The following STRA8 variants were observed in gnomAD, a reference collection of about 807,000 sequenced individuals.
STRA8 encodes stimulated by retinoic acid gene 8 protein homolog.
In STRA8, 18 loss-of-function variants were observed where a neutral mutation model predicts 37.1. The observed-to-expected ratio is 0.48, with a 90% CI of 0.34 to 0.72. STRA8 has a LOEUF of 0.72. Ranked by LOEUF, STRA8 falls within the 30% of genes least tolerant of loss-of-function variation. The probability of loss-of-function intolerance (pLI) is 0.01; values close to 1 mark genes in which losing one functional copy is unlikely to be tolerated. For synonymous variants in STRA8, 168 were observed against 162.9 expected, an observed-to-expected ratio of 1.03 and a Z score of -0.24; for missense variants, 357 against 410.4, an observed-to-expected ratio of 0.87 and a Z score of 1.13.
At chr7:135,245,580 G>T (rs1832539398) in intron 5 of STRA8, among the ~76,000 whole-genome samples, 53 bp downstream of exon 5, 1 of 152,316 alleles carries the variant, frequency 6.6e-6, no homozygotes, top group East Asian at 1.9e-4. Flanking sequence ...TCCCTCCCAT[G>T]GGGAAGGGGA....
chr7:135,233,000 A>G (rs1273988789), upstream of STRA8, among the ~76,000 whole-genome samples: 1 of 152,218 alleles, frequency 6.6e-6, no homozygotes, highest in Non-Finnish European at 1.5e-5. Flanking sequence ...TTTGTCCTGC[A>G]TCTGCTACCA....
At position 135,245,475 on chromosome 7, in the gene STRA8, G is replaced by C. The variant is rs1485839793; in HGVS notation, c.541G>C (p.Val181Leu). Residue 181 changes from valine (V) to leucine (L), a missense_variant, in exon 5 of 9, where the codon GTG (valine) becomes CTG (leucine). Val to Leu is a conservative substitution (Grantham distance 32, BLOSUM62 1). Coordinates refer to ENST00000662584, the MANE Select transcript of STRA8 (RefSeq NM_001394401.1). ...GGAGGAGGAGGAAGAGGAGAAAAAA[G>C]TGATCTTATACTCCCCAGGAACTTT... is the stretch of plus-strand genomic sequence containing the variant. The part of the protein sequence containing the change: ...EEEEEEEEKK[V>L]ILYSPGTLSP... 2.9e-6 allele frequency: 2 copies of C among 695,416 alleles called. No individual in the cohort carries two copies. The highest frequency in any genetic ancestry group is 3.5e-5 in the African/African-American group (2 of 56,898). 43.1% of individuals were successfully genotyped at this position (695,416 alleles called of 1,614,324 possible).
intron 7 of STRA8, among the ~76,000 whole-genome samples, chr7:135,253,086 C>T (rs1585480060): frequency 6.6e-6 from 1 of 152,306 alleles, no homozygotes; most frequent in South Asian, 2.1e-4. Context: ...AGGTGCATGC[C>T]ACTATGCTCA....
Position 135,246,393 on chromosome 7 carries a change from G to A in STRA8, c.594-24G>A, listed in dbSNP as rs748928956. On this transcript the variant is annotated intron_variant, in intron 5 of 8. Coordinates refer to ENST00000662584, the MANE Select transcript of STRA8 (RefSeq NM_001394401.1). The surrounding 1 kb of genome is among the most constrained non-coding windows in gnomAD (Gnocchi z 5.4). ...CTTCGAGAGGGAGCTTTAGGGGTGC[G>A]AGACGGCGCCGCTTCTGTTCCAGGT... 4 of 1,586,306 alleles carry A rather than the reference G, an allele frequency of 2.5e-6. No individual in the cohort carries two copies. The highest frequency in any genetic ancestry group is 3.4e-6 in the Non-Finnish European group (4 of 1,164,744).
rs1347220596 is a variant in STRA8 at position 135,252,009 on chromosome 7, A to AGTGT, written c.953+141_953+142insTGTG. The AGTGT allele has an allele frequency of 2.3e-4, 157 of 691,680 alleles. No homozygotes were observed. In the African/African-American group the frequency reaches 4.1e-3, roughly 18 times the overall value. 42.8% of individuals were successfully genotyped at this position (691,680 alleles called of 1,614,324 possible). A position where few individuals can be genotyped will look rare whatever the true frequency, so the allele number is the denominator to read the frequency against. ...AGAGAGAGGAGACAGAGGGAGAGAGAGAGAGTGTGTGTGTGTGTGTGTGTG... is the reference window on the plus strand; with the variant it reads ...AGAGAGAGGAGACAGAGGGAGAGAGAGTGTGAGAGTGTGTGTGTGTGTGTGTGTG... On this transcript the variant is annotated intron_variant, in intron 7 of 8. Transcript: ENST00000662584.
At chr7:135,241,547 G>C (rs1294287739) in intron 2 of STRA8, among the ~76,000 whole-genome samples, 4 of 152,174 alleles carry the variant, frequency 2.6e-5, no homozygotes, top group African/African-American at 9.7e-5. Flanking sequence ...CATGGCCTCT[G>C]TGTCTCTGCT....
In STRA8 at chr7:135,243,411, G is replaced by A. The variant is rs1219059184; in HGVS notation, c.353+1G>A. 1 of 1,613,798 alleles carries A rather than the reference G, an allele frequency of 6.2e-7. No homozygotes were observed. The highest frequency in any genetic ancestry group is 1.3e-5 in the African/African-American group (1 of 74,926). On this transcript the variant is annotated splice_donor_variant, in intron 4 of 8. Transcript: ENST00000662584. LOFTEE classifies it high-confidence loss of function. ...CCAGCATGTATTCTGGAAATGACAG[G>A]TAAGACACCACAAACCCCAGGAAGC...
chr7:135,243,354 A>G lies in STRA8; in HGVS notation c.297A>G (p.Ala99=). ...CCTTCAACCTGGAAGATGGGCATGC[A>G]AGCAGCTTAGAGGAGGTCAAGAAAG... ...KASFNLEDGH[A]SSLEEVKKEY... The change falls in exon 4 of 9, where the codon GCA becomes GCG. Residue 99 remains alanine (A), a synonymous_variant. Coordinates refer to ENST00000662584, the MANE Select transcript of STRA8 (RefSeq NM_001394401.1). The G allele has an allele frequency of 1.2e-6, 2 of 1,614,182 alleles. No homozygotes were observed. The highest frequency in any genetic ancestry group is 1.7e-6 in the Non-Finnish European group (2 of 1,180,006).
chr7:135,238,114 A>G (rs1019230068), intron 1 of STRA8, among the ~76,000 whole-genome samples: 3 of 152,196 alleles, frequency 2.0e-5, no homozygotes, highest in Non-Finnish European at 4.4e-5. Context: ...TAAGAGTAAC[A>G]TCTCCAGCGC....
chr7:135,244,862 TAGTA>T lies in STRA8; in HGVS notation c.354-423_354-420del, dbSNP rs1409223140. Among the ~76,000 whole-genome samples, 10 of 152,276 alleles carry T rather than the reference TAGTA, an allele frequency of 6.6e-5. No individual in the cohort carries two copies. The South Asian group carries it at 1.5e-3, about 22-fold the overall frequency. On this transcript the variant is annotated intron_variant, in intron 4 of 8. Coordinates refer to ENST00000662584, the MANE Select transcript of STRA8 (RefSeq NM_001394401.1). Reference sequence around the variant, plus strand: ...CCTCCAGAACAATTTTGAATAGAAGTAGTAAGAGTGGACAGTCTCATTTTATTCC... The same window carrying T: ...CCTCCAGAACAATTTTGAATAGAAGTAGAGTGGACAGTCTCATTTTATTCC...
In STRA8 at chr7:135,242,656, G is replaced by A. The variant is rs921319465; in HGVS notation, c.193-125G>A. 1.8e-5 allele frequency: 15 copies of A among 820,982 alleles called. No individual in the cohort carries two copies. The African/African-American group carries it at 2.4e-4, about 13-fold the overall frequency. 50.9% of individuals were successfully genotyped at this position (820,982 alleles called of 1,614,324 possible). A position where few individuals can be genotyped will look rare whatever the true frequency, so the allele number is the denominator to read the frequency against. ...ACTTCCTATTCTTTTTACTGACAAGGTTAAGGGATGTGACTTTGCATCTGA... is the reference window on the plus strand; with the variant it reads ...ACTTCCTATTCTTTTTACTGACAAGATTAAGGGATGTGACTTTGCATCTGA... On this transcript the variant is annotated intron_variant, in intron 2 of 8. Transcript: ENST00000662584.
At position 135,255,099 on chromosome 7, in the gene STRA8, C is replaced by T; in HGVS notation, c.954-15C>T. 2 of 1,605,832 alleles carry T rather than the reference C, an allele frequency of 1.2e-6. No homozygotes were observed. The highest frequency in any genetic ancestry group is 1.1e-5 in the South Asian group (1 of 90,842). On this transcript the variant is annotated splice_polypyrimidine_tract_variant and intron_variant, in intron 7 of 8. Coordinates refer to ENST00000662584, the MANE Select transcript of STRA8 (RefSeq NM_001394401.1). The stretch of plus-strand genomic sequence containing the variant: ...TCCTGAATATTTGTTGCCTTTTCTT[C>T]CTTTCTGTTGTCAGTTCAGTGCTTG...
In STRA8 at chr7:135,246,716, C is replaced by T; in HGVS notation, c.879+14C>T. The T allele has an allele frequency of 6.6e-7, 1 of 1,507,826 alleles. No individual in the cohort carries two copies. The highest frequency in any genetic ancestry group is 8.8e-7 in the Non-Finnish European group (1 of 1,136,964). 93.4% of individuals were successfully genotyped at this position (1,507,826 alleles called of 1,614,324 possible). On this transcript the variant is annotated intron_variant, in intron 6 of 8. Transcript: ENST00000662584. The surrounding 1 kb of genome is among the most constrained non-coding windows in gnomAD (Gnocchi z 5.4). ...ACGCCCGAGGAGGTGAGCAGGCCCA[C>T]CGGGGTGGCGTGGATGGGGCACGGG...
rs1832639213 is a variant in STRA8, at chr7:135,251,875, G to A, written c.953+6G>A. 2 of 1,613,988 alleles carry A rather than the reference G, an allele frequency of 1.2e-6. No homozygotes were observed. The highest frequency in any genetic ancestry group is 1.1e-5 in the South Asian group (1 of 91,064). On this transcript the variant is annotated splice_donor_region_variant and intron_variant, in intron 7 of 8. Transcript: ENST00000662584. Reference sequence around the variant, plus strand: ...CCGAGTACATCTAGCTCCAGGTGAGGAAGAGGGTGTGAGATAGCATGTGCC... The same window carrying A: ...CCGAGTACATCTAGCTCCAGGTGAGAAAGAGGGTGTGAGATAGCATGTGCC...
intron 6 of STRA8, among the ~76,000 whole-genome samples, chr7:135,247,769 A>G (rs1832586038): frequency 6.6e-6 from 1 of 152,246 alleles, no homozygotes; most frequent in South Asian, 2.1e-4. Context: ...GCTAGTCAGA[A>G]TGGCCGTGGC....
chr7:135,238,258 A>C (rs1238155055), intron 1 of STRA8, among the ~76,000 whole-genome samples: 1 of 152,188 alleles, frequency 6.6e-6, no homozygotes, highest in Non-Finnish European at 1.5e-5. Context: ...GGGGGCAGGC[A>C]AGATGGAGGC....
intron 2 of STRA8, among the ~76,000 whole-genome samples, chr7:135,242,490 C>G (rs559418698): frequency 1.3e-5 from 2 of 152,146 alleles, no homozygotes; most frequent in African/African-American, 4.8e-5. Flanking sequence ...ACCTTCAAGC[C>G]GCCTCTGTAG....
At chr7:135,238,209 G>A (rs1832407493) in intron 1 of STRA8, among the ~76,000 whole-genome samples, 1 of 152,314 alleles carries the variant, frequency 6.6e-6, no homozygotes, top group African/African-American at 2.4e-5. Context: ...GGGGGGGCGG[G>A]GGTGTAAATT....
At chr7:135,247,988 G>A (rs1274824675) in intron 6 of STRA8, among the ~76,000 whole-genome samples, 1 of 152,180 alleles carries the variant, frequency 6.6e-6, no homozygotes, top group Non-Finnish European at 1.5e-5. Context: ...CATGGCTTCC[G>A]CCTGATACAG....
Sources: allele counts gnomAD v4.1 joint callset (sites outside exome capture counted in the v4.1 genomes callset), GRCh38; gene constraint gnomAD v4.1.1; non-coding constraint Gnocchi (gnomAD v3.1); transcripts MANE v1.5; gene names NCBI Gene and HGNC (gene_info 2026-07-23, HGNC 2026-07-21).